The following SAMD8 variants were observed in gnomAD, a reference collection of about 807,000 sequenced individuals.
SAMD8 encodes sphingomyelin synthase-related protein 1.
Under a neutral mutation model 42.0 loss-of-function variants are expected in SAMD8, and 20 were observed. The observed-to-expected ratio is 0.48, with a 90% CI of 0.34 to 0.69. The LOEUF (loss-of-function observed/expected upper bound fraction) is 0.69, where lower values mean the gene tolerates loss of function less well. Among genes scored for constraint, SAMD8 ranks in the 30% least tolerant of loss-of-function variants. The pLI is 0.01. For missense variants in SAMD8, 328 were observed against 511.6 expected (o/e 0.64, Z 3.46); for synonymous variants, 162 against 173.0 (o/e 0.94, Z 0.50).
chr10:75,107,768 G>T (rs932828317), upstream of SAMD8, among the ~76,000 whole-genome samples: 21 of 152,200 alleles, frequency 1.4e-4, no homozygotes, highest in Non-Finnish European at 2.9e-5. Context: ...GTAGAGACGA[G>T]GTTTCACCGT....
chr10:75,102,747 G>T (rs1268557771), intron 1 of SAMD8, among the ~76,000 whole-genome samples: 2 of 152,182 alleles, frequency 1.3e-5, no homozygotes, highest in Non-Finnish European at 2.9e-5. Context: ...GAGGTCGGGA[G>T]TTCGAGACCA....
At chr10:75,149,146 A>C (rs1840220593) in intron 1 of SAMD8, among the ~76,000 whole-genome samples, 1 of 152,212 alleles carries the variant, frequency 6.6e-6, no homozygotes, top group Non-Finnish European at 1.5e-5. Flanking sequence ...CAGAAAACCT[A>C]CAGGCTTTAA....
chr10:75,129,136 TTA>T (rs1491364580), intron 1 of SAMD8, among the ~76,000 whole-genome samples: 110 of 115,060 alleles, frequency 9.6e-4, no homozygotes, highest in East Asian at 1.2e-3. Flanking sequence ...CTTCTTCTTC[TTA>T]TTTTTTTTTT....
At chr10:75,107,649 T>C (rs1848597298), upstream of SAMD8, among the ~76,000 whole-genome samples, 1 of 152,094 alleles carries the variant, frequency 6.6e-6, no homozygotes, top group Non-Finnish European at 1.5e-5. Context: ...TGATCTCGGC[T>C]CACTGCAACC....
intron 1 of SAMD8, chr10:75,101,795 G>T: frequency 9.1e-6 from 8 of 880,812 alleles, no homozygotes; most frequent in Non-Finnish European, 1.4e-5. Flanking sequence ...AGGCACAAGT[G>T]TCCTGGCCCT....
upstream of SAMD8, chr10:75,111,524 C>T (rs923115082): frequency 3.2e-6 from 4 of 1,231,108 alleles, no homozygotes; most frequent in African/African-American, 4.7e-5. Flanking sequence ...CAGCTGCCGG[C>T]GCGGCGGTGA....
At chr10:75,137,023 T>G (rs1839903782) in intron 1 of SAMD8, among the ~76,000 whole-genome samples, 1 of 152,126 alleles carries the variant, frequency 6.6e-6, no homozygotes, top group Non-Finnish European at 1.5e-5. Context: ...ATATGGTGAC[T>G]CCTCAAAAAA....
intron 1 of SAMD8, among the ~76,000 whole-genome samples, chr10:75,134,666 G>A (rs1175841744): frequency 1.3e-5 from 2 of 152,042 alleles, no homozygotes; most frequent in African/African-American, 2.4e-5. Context: ...TAGATGAGAA[G>A]CGTAACTGGT....
At chr10:75,102,231 C>A (rs1848210662) in intron 1 of SAMD8, among the ~76,000 whole-genome samples, 1 of 152,142 alleles carries the variant, frequency 6.6e-6, no homozygotes, top group East Asian at 1.9e-4. Context: ...AATCCCAGCA[C>A]TTTGGGAAAC....
At chr10:75,107,697 C>T (rs1848600014), upstream of SAMD8, among the ~76,000 whole-genome samples, 1 of 152,170 alleles carries the variant, frequency 6.6e-6, no homozygotes, top group Non-Finnish European at 1.5e-5. Context: ...CTGCCTCAGC[C>T]TCCAGAGTAG....
rs1840991160 is a variant in SAMD8, at chr10:75,176,355, A to G, written c.944-33A>G. 2 of 1,580,296 alleles carry G rather than the reference A, an allele frequency of 1.3e-6. No homozygotes were observed. The highest frequency in any genetic ancestry group is 1.4e-5 in the African/African-American group (1 of 73,734). On this transcript the variant is annotated intron_variant, in intron 5 of 5. Coordinates refer to ENST00000542569, the MANE Select transcript of SAMD8 (RefSeq NM_001174156.2). This position sits in a 1 kb window ranked among gnomAD's most constrained non-coding sequence, Gnocchi z 4.3. ...GACTGAGAAGCATTGGAAGGAATGT[A>G]GCTTTAAAATGATCTTTCTGTCCTT...
chr10:75,102,080 G>A (rs568176087), intron 1 of SAMD8: 229 of 661,082 alleles, frequency 3.5e-4, no homozygotes, highest in Non-Finnish European at 5.1e-4. Flanking sequence ...AGCACAGTCA[G>A]GCACCTTTCC....
At chr10:75,108,979 C>T, upstream of SAMD8, 1 of 1,573,218 alleles carries the variant, frequency 6.4e-7, no homozygotes, top group Non-Finnish European at 8.6e-7. Context: ...ACGTCCCCAC[C>T]CCCATGCCCC....
At chr10:75,154,935 CAGGCTGGAGTTT>C (rs1052324488) in intron 2 of SAMD8, among the ~76,000 whole-genome samples, 6 of 151,978 alleles carry the variant, frequency 3.9e-5, no homozygotes, top group African/African-American at 1.5e-4. Flanking sequence ...CTCTGTTCTC[CAGGCTGGAGTTT>C]AGTGGTGCAT....
chr10:75,176,314 C>G lies in SAMD8; in HGVS notation c.944-74C>G. 3 of 1,602,240 alleles carry G rather than the reference C, an allele frequency of 1.9e-6. No individual in the cohort carries two copies. The highest frequency in any genetic ancestry group is 2.6e-6 in the Non-Finnish European group (3 of 1,173,488). On this transcript the variant is annotated intron_variant, in intron 5 of 5. Coordinates refer to ENST00000542569, the MANE Select transcript of SAMD8 (RefSeq NM_001174156.2). This position sits in a 1 kb window ranked among gnomAD's most constrained non-coding sequence, Gnocchi z 4.3. Reference sequence around the variant, plus strand: ...ATCCTGTGAAGAATGGCAAAACAGCCTGACCTGAGAAACGTGACTGAGAAG... The same window carrying G: ...ATCCTGTGAAGAATGGCAAAACAGCGTGACCTGAGAAACGTGACTGAGAAG...
chr10:75,107,287 G>A (rs766777126), upstream of SAMD8, among the ~76,000 whole-genome samples: 7 of 151,902 alleles, frequency 4.6e-5, no homozygotes, highest in East Asian at 5.8e-4. Flanking sequence ...CCCAGGAGGC[G>A]GAGGAGCAGA....
chr10:75,163,867 G>C (rs1445696167), intron 2 of SAMD8, among the ~76,000 whole-genome samples: 2 of 151,422 alleles, frequency 1.3e-5, no homozygotes, highest in Non-Finnish European at 2.9e-5. Flanking sequence ...ATTGAAAATA[G>C]AAAAAAAACC....
intron 1 of SAMD8, among the ~76,000 whole-genome samples, chr10:75,136,241 G>C (rs1411619477): frequency 1.3e-5 from 2 of 151,990 alleles, no homozygotes; most frequent in East Asian, 3.9e-4. Flanking sequence ...GTTACTAATA[G>C]GTTATTTTAC....
intron 1 of SAMD8, among the ~76,000 whole-genome samples, chr10:75,146,705 T>A (rs1840145592): frequency 6.6e-6 from 1 of 152,210 alleles, no homozygotes. Flanking sequence ...GATCATTTAT[T>A]TGTATTAATT....
Sources: gnomAD v4.1 joint callset for allele counts (sites outside exome capture counted in the v4.1 genomes callset) on GRCh38, gnomAD v4.1.1 for gene constraint, Gnocchi (gnomAD v3.1) non-coding constraint, MANE v1.5 for transcripts, NCBI Gene and HGNC (gene_info 2026-07-23, HGNC 2026-07-21) for gene names.